The following RBFOX1 variants were observed in gnomAD, a reference collection of about 807,000 sequenced individuals.
RBFOX1 encodes the protein RNA binding fox-1 homolog 1.
A neutral mutation model predicts 57.7 loss-of-function variants in RBFOX1; 8 were observed. That is an observed-to-expected ratio of 0.14 (90% CI 0.08 to 0.25). RBFOX1 has a LOEUF of 0.25. Among genes scored for constraint, RBFOX1 ranks in the 10% least tolerant of loss-of-function variants. RBFOX1 has a pLI of 1.00. For missense variants in RBFOX1, 611 were observed against 548.5 expected (o/e 1.11, Z -1.14); for synonymous variants, 326 against 222.4 (o/e 1.47, Z -4.15).
intron 11 of RBFOX1, among the ~76,000 whole-genome samples, chr16:7,647,861 C>G (rs1480277848): frequency 6.6e-6 from 1 of 152,116 alleles, no homozygotes; most frequent in Non-Finnish European, 1.5e-5. Context: ...GGATAGATGA[C>G]ATAACTCTCA....
chr16:6,161,168 C>A (rs757915031), intron 1 of RBFOX1, among the ~76,000 whole-genome samples: 1 of 152,142 alleles, frequency 6.6e-6, no homozygotes, highest in Non-Finnish European at 1.5e-5. Flanking sequence ...GCGGGCAGAT[C>A]ACTTGAGGTC....
At chr16:5,375,776 C>T (rs1392776329) in intron 1 of RBFOX1, among the ~76,000 whole-genome samples, 1 of 152,196 alleles carries the variant, frequency 6.6e-6, no homozygotes, top group East Asian at 1.9e-4. Context: ...GTGCGTTCGT[C>T]CCTGCACCAT....
At chr16:7,057,322 A>T (rs527996139) in intron 4 of RBFOX1, among the ~76,000 whole-genome samples, 1 of 152,312 alleles carries the variant, frequency 6.6e-6, no homozygotes, top group African/African-American at 2.4e-5. Flanking sequence ...AAGGCATGCA[A>T]CCAGGCCTCC....
intron 2 of RBFOX1, among the ~76,000 whole-genome samples, chr16:5,591,073 G>A (rs1227165938): frequency 6.7e-6 from 1 of 149,354 alleles, no homozygotes; most frequent in Non-Finnish European, 1.5e-5. Context: ...AAGGGTTCTT[G>A]CCAATGTTGT....
chr16:7,479,253 C>T (rs28627791), intron 4 of RBFOX1, among the ~76,000 whole-genome samples: 67 of 151,600 alleles, frequency 4.4e-4, no homozygotes, highest in African/African-American at 1.3e-3. Context: ...CCTCCCGAGT[C>T]GCTGGGATTA....
chr16:5,695,438 G>T (rs1371680477), intron 3 of RBFOX1, among the ~76,000 whole-genome samples: 1 of 152,114 alleles, frequency 6.6e-6, no homozygotes, highest in Non-Finnish European at 1.5e-5. Flanking sequence ...TCTTTTGTAG[G>T]TCCTAATTAA....
In RBFOX1 at chr16:6,717,469, G is replaced by A. The variant is rs117154479; in HGVS notation, c.-16+62819G>A. ...CATGACACGTTTTGGCACTTGTTAC[G>A]TTAAACTCAAAAACTCCAAACTTGG... On this transcript the variant is annotated intron_variant, in intron 3 of 15. Coordinates refer to ENST00000550418, the MANE Select transcript of RBFOX1 (RefSeq NM_018723.4). Among the ~76,000 whole-genome samples the A allele has an allele frequency of 5.5e-3, 830 of 152,154 alleles. 25 individuals carry two copies. The East Asian group carries it at 0.082, about 15-fold the overall frequency.
At chr16:7,013,435 C>T (rs530904541) in intron 3 of RBFOX1, among the ~76,000 whole-genome samples, 68 of 152,272 alleles carry the variant, frequency 4.5e-4, no homozygotes, top group South Asian at 2.1e-3. Context: ...TTGGTTGCTA[C>T]GACTGGGAAG....
At chr16:7,476,858 C>G (rs1472082711) in intron 4 of RBFOX1, among the ~76,000 whole-genome samples, 2 of 152,174 alleles carry the variant, frequency 1.3e-5, no homozygotes, top group Non-Finnish European at 2.9e-5. Context: ...TGCTTTTATG[C>G]TGAATATCGG....
intron 4 of RBFOX1, among the ~76,000 whole-genome samples, chr16:5,995,747 T>C (rs535426044): frequency 2.6e-4 from 39 of 152,278 alleles, no homozygotes; most frequent in African/African-American, 8.7e-4. Context: ...TAGATCAAAC[T>C]GATGTACACA....
chr16:5,592,881 G>A (rs1003328092), intron 2 of RBFOX1, among the ~76,000 whole-genome samples: 3 of 152,254 alleles, frequency 2.0e-5, no homozygotes, highest in East Asian at 3.9e-4. Flanking sequence ...GGCCCTGGCA[G>A]CCTGGTAGAC....
Position 6,317,052 on chromosome 16 carries a change from C to T in RBFOX1, c.-69C>T, listed in dbSNP as rs192543900. ...TTACAGCTTCCTTGATCGGACTCAG[C>T]ATTCAGTAAGTGCAACCCATTTTGA... On this transcript the variant is annotated 5_prime_UTR_variant, in exon 2 of 16. Coordinates refer to ENST00000550418, the MANE Select transcript of RBFOX1 (RefSeq NM_018723.4). 6.8e-5 allele frequency: 104 copies of T among 1,535,018 alleles called. No individual in the cohort carries two copies. The African/African-American group carries it at 1.0e-3, about 15-fold the overall frequency.
intron 1 of RBFOX1, among the ~76,000 whole-genome samples, chr16:5,394,540 C>T (rs933289194): frequency 6.6e-6 from 1 of 150,492 alleles, no homozygotes; most frequent in Non-Finnish European, 1.5e-5. Flanking sequence ...GTCTTGTCTT[C>T]TCTTCTCTCT....
intron 4 of RBFOX1, among the ~76,000 whole-genome samples, chr16:7,070,212 C>A (rs200620014): frequency 3.9e-5 from 6 of 152,204 alleles, no homozygotes; most frequent in Non-Finnish European, 8.8e-5. Flanking sequence ...TTTGATGGCA[C>A]AGTGTCTTGC....
At chr16:6,102,591 C>T (rs931543159) in intron 1 of RBFOX1, among the ~76,000 whole-genome samples, 1 of 152,062 alleles carries the variant, frequency 6.6e-6, no homozygotes, top group Non-Finnish European at 1.5e-5. Flanking sequence ...CAGCAGCTCA[C>T]GCCACGTCTT....
In RBFOX1 at chr16:5,560,811, T is replaced by C. The variant is rs142787425; in HGVS notation, c.259-38091T>C. Among the ~76,000 whole-genome samples, 1,354 of 152,284 alleles carry C rather than the reference T, an allele frequency of 8.9e-3. 9 individuals are homozygous for C. Among genetic ancestry groups the C allele is most frequent in the Non-Finnish European group, 0.015 (1,017 of 68,020 alleles). On this transcript the variant is annotated intron_variant, in intron 2 of 2. Transcript: ENST00000585867. ...TCTAACATATACTTTGCAGTCCTTT[T>C]ATCCTCCTTGTGGCATTTCACACTG... is the stretch of plus-strand genomic sequence containing the variant.
At chr16:6,227,342 G>T (rs993213543) in intron 1 of RBFOX1, among the ~76,000 whole-genome samples, 7 of 152,148 alleles carry the variant, frequency 4.6e-5, no homozygotes, top group Non-Finnish European at 1.0e-4. Flanking sequence ...CGGTGCTGCA[G>T]GCTTTGGGAC....
At chr16:5,737,544 C>G (rs1341615280) in intron 3 of RBFOX1, among the ~76,000 whole-genome samples, 1 of 121,452 alleles carries the variant, frequency 8.2e-6, no homozygotes, top group African/African-American at 3.2e-5. Context: ...TTTTTTTTTG[C>G]CTGTCCATGT....
At chr16:5,520,641 A>C (rs1032923005) in intron 2 of RBFOX1, among the ~76,000 whole-genome samples, 1 of 152,214 alleles carries the variant, frequency 6.6e-6, no homozygotes, top group African/African-American at 2.4e-5. Flanking sequence ...ATTCTTGATC[A>C]CATCTATTTG....
Sources: gnomAD v4.1 joint callset for allele counts (sites outside exome capture counted in the v4.1 genomes callset) on GRCh38, gnomAD v4.1.1 for gene constraint, MANE v1.5 for transcripts, NCBI Gene and HGNC (gene_info 2026-07-23, HGNC 2026-07-21) for gene names.